Variants in CNTNAP2 observed in about 807,000 individuals in gnomAD.
CNTNAP2 encodes the protein contactin-associated protein-like 2.
CNTNAP2 carries 98 observed loss-of-function variants against 155.2 expected under a neutral mutation model. The observed-to-expected ratio is 0.63, with a 90% CI of 0.54 to 0.75. CNTNAP2 has a LOEUF of 0.75. CNTNAP2 is among the 30% of genes least tolerant of loss of function. CNTNAP2 has a pLI of 0.00. For synonymous variants in CNTNAP2, 651 were observed against 631.2 expected, an observed-to-expected ratio of 1.03 and a Z score of -0.47; for missense variants, 1,727 against 1,688.1, an observed-to-expected ratio of 1.02 and a Z score of -0.40.
chr7:146,863,115 T>G lies in CNTNAP2; in HGVS notation c.402+23211T>G, dbSNP rs527291281. 1.6e-4 allele frequency among the ~76,000 whole-genome samples: 24 copies of G among 152,306 alleles called. No homozygotes were observed. In the East Asian group the frequency reaches 4.2e-3, roughly 27 times the overall value. Reference sequence around the variant, plus strand: ...TAACTTAAAAACTCCTTTAGATCAGTAATTATGTCAAAGTATAGAATGAAG... The same window carrying G: ...TAACTTAAAAACTCCTTTAGATCAGGAATTATGTCAAAGTATAGAATGAAG... On this transcript the variant is annotated intron_variant, in intron 3 of 23. Coordinates refer to ENST00000361727, the MANE Select transcript of CNTNAP2 (RefSeq NM_014141.6).
chr7:146,614,762 T>C (rs1799196935), intron 1 of CNTNAP2, among the ~76,000 whole-genome samples: 1 of 152,164 alleles, frequency 6.6e-6, no homozygotes, highest in East Asian at 1.9e-4. Context: ...TGTAACAATT[T>C]TGAAGTTATA....
At chr7:147,519,073 C>G (rs1799184324) in intron 11 of CNTNAP2, among the ~76,000 whole-genome samples, 1 of 150,822 alleles carries the variant, frequency 6.6e-6, no homozygotes, top group South Asian at 2.1e-4. Flanking sequence ...TAGGGCTGCT[C>G]TAACAAATTA....
At chr7:147,937,475 G>A (rs939713007) in intron 14 of CNTNAP2, among the ~76,000 whole-genome samples, 1 of 152,048 alleles carries the variant, frequency 6.6e-6, no homozygotes. Context: ...ACAGCTGCAG[G>A]GTGCATGTCT....
At chr7:146,636,017 T>C (rs1039012265) in intron 1 of CNTNAP2, among the ~76,000 whole-genome samples, 3 of 152,126 alleles carry the variant, frequency 2.0e-5, no homozygotes, top group Non-Finnish European at 2.9e-5. Flanking sequence ...AAACAGTACA[T>C]TATGAGACTG....
intron 20 of CNTNAP2, 142 bp downstream of exon 20, chr7:148,229,921 G>C (rs1255034459): frequency 2.3e-6 from 2 of 881,068 alleles, no homozygotes; most frequent in Non-Finnish European, 3.5e-6. Flanking sequence ...TGCATAACTA[G>C]TGAAGTAGAA....
intron 1 of CNTNAP2, among the ~76,000 whole-genome samples, chr7:146,461,073 G>A (rs1796629236): frequency 1.3e-5 from 2 of 152,016 alleles, no homozygotes; most frequent in Non-Finnish European, 2.9e-5. Flanking sequence ...CATCACCACT[G>A]TACACCATAA....
At chr7:148,306,645 T>A (rs77034627) in intron 21 of CNTNAP2, among the ~76,000 whole-genome samples, 1,939 of 152,232 alleles carry the variant, frequency 0.013, 15 homozygotes, top group Non-Finnish European at 0.019. Context: ...AATCATCTGT[T>A]CTCATTTCAT....
chr7:147,770,757 A>G (rs1797456152), intron 13 of CNTNAP2, among the ~76,000 whole-genome samples: 1 of 152,318 alleles, frequency 6.6e-6, no homozygotes, highest in African/African-American at 2.4e-5. Flanking sequence ...AAAACTGAAC[A>G]TTTTAATGAT....
intron 1 of CNTNAP2, among the ~76,000 whole-genome samples, chr7:146,509,668 C>A: frequency 6.6e-6 from 1 of 152,100 alleles, no homozygotes; most frequent in African/African-American, 2.4e-5. Context: ...CCCAAGCCTA[C>A]ACTAATAGCA....
chr7:146,915,945 G>T (rs1172107941), intron 3 of CNTNAP2: 1 of 152,070 alleles, frequency 6.6e-6, no homozygotes, highest in African/African-American at 2.4e-5. Flanking sequence ...GTATAATGTT[G>T]ACTGTGGGTT....
At position 148,008,123 on chromosome 7, in the gene CNTNAP2, G is replaced by A. The variant is rs543797935; in HGVS notation, c.2383+30134G>A. Reference sequence around the variant, plus strand: ...TCATGCCTGTAGTCTCAGCACTTTGGGAGGCCGAGGTGGGTAGATCACGAG... The same window carrying A: ...TCATGCCTGTAGTCTCAGCACTTTGAGAGGCCGAGGTGGGTAGATCACGAG... On this transcript the variant is annotated intron_variant, in intron 15 of 23. Coordinates refer to ENST00000361727, the MANE Select transcript of CNTNAP2 (RefSeq NM_014141.6). Among the ~76,000 whole-genome samples the A allele has an allele frequency of 1.4e-4, 21 of 152,116 alleles. No homozygotes were observed. In the East Asian group the frequency reaches 3.3e-3, roughly 24 times the overall value.
At position 147,726,555 on chromosome 7, in the gene CNTNAP2, C is replaced by T. The variant is rs117647018; in HGVS notation, c.2098+87249C>T. The stretch of plus-strand genomic sequence containing the variant: ...AGGGGAATCTAGATCAAGAGCTGAC[C>T]AATAACTGCAGACATCTGGGCAGCA... On this transcript the variant is annotated intron_variant, in intron 13 of 23. Coordinates refer to ENST00000361727, the MANE Select transcript of CNTNAP2 (RefSeq NM_014141.6). Among the ~76,000 whole-genome samples, 45 of 152,034 alleles carry T rather than the reference C, an allele frequency of 3.0e-4. No homozygotes were observed. The East Asian group carries it at 3.3e-3, about 11-fold the overall frequency.
intron 15 of CNTNAP2, among the ~76,000 whole-genome samples, chr7:147,992,905 A>G (rs566483873): frequency 6.6e-6 from 1 of 152,216 alleles, no homozygotes; most frequent in Non-Finnish European, 1.5e-5. Context: ...AATTTGGTAG[A>G]TTACCCTAAT....
At chr7:146,951,959 A>T (rs988280173) in intron 3 of CNTNAP2, among the ~76,000 whole-genome samples, 1 of 151,746 alleles carries the variant, frequency 6.6e-6, no homozygotes, top group Admixed American at 6.6e-5. Flanking sequence ...TGATACCAAA[A>T]CCTGGCAGAG....
At chr7:146,184,124 A>C (rs891409892) in intron 1 of CNTNAP2, among the ~76,000 whole-genome samples, 4 of 152,210 alleles carry the variant, frequency 2.6e-5, no homozygotes, top group African/African-American at 7.2e-5. Flanking sequence ...GCCCCGAACC[A>C]ACTACTCAGT....
rs2129230361 is a variant in CNTNAP2 at position 146,960,792 on chromosome 7, T to C, written c.403-83115T>C. Reference sequence around the variant, plus strand: ...GTTTAAATATGGTATTTTTTTTTCCTTTTAGAAAATCCCCATACATTTAAT... The same window carrying C: ...GTTTAAATATGGTATTTTTTTTTCCCTTTAGAAAATCCCCATACATTTAAT... On this transcript the variant is annotated intron_variant, in intron 3 of 23. Transcript: ENST00000361727. Among the ~76,000 whole-genome samples the C allele has an allele frequency of 1.3e-5, 2 of 152,276 alleles. 1 individual carries two copies. The highest frequency in any genetic ancestry group is 4.8e-5 in the African/African-American group (2 of 41,538).
At chr7:147,739,626 A>T (rs1796922300) in intron 13 of CNTNAP2, among the ~76,000 whole-genome samples, 1 of 152,012 alleles carries the variant, frequency 6.6e-6, no homozygotes, top group Non-Finnish European at 1.5e-5. Flanking sequence ...ATCATCCTAG[A>T]TACAGTCCCA....
intron 1 of CNTNAP2, among the ~76,000 whole-genome samples, chr7:146,739,643 TTA>T (rs1801678732): frequency 6.6e-6 from 1 of 152,002 alleles, no homozygotes; most frequent in Non-Finnish European, 1.5e-5. Flanking sequence ...GGAATGTTAT[TTA>T]TATGTCTGTT....
At chr7:148,080,677 A>C (rs1297738004) in intron 15 of CNTNAP2, among the ~76,000 whole-genome samples, 1 of 152,080 alleles carries the variant, frequency 6.6e-6, no homozygotes, top group Non-Finnish European at 1.5e-5. Context: ...ATGCCTTGCC[A>C]AAGAATGGTA....
Sources: gnomAD v4.1 joint callset for allele counts (sites outside exome capture counted in the v4.1 genomes callset) on GRCh38, gnomAD v4.1.1 for gene constraint, MANE v1.5 for transcripts, NCBI Gene and HGNC (gene_info 2026-07-23, HGNC 2026-07-21) for gene names.